The following ZNF568 variants were observed in gnomAD, a reference collection of about 807,000 sequenced individuals.
The protein encoded by ZNF568 is p53 inhibitor of SCO2 activation.
A neutral mutation model predicts 18.1 loss-of-function variants in ZNF568; 11 were observed. The observed-to-expected ratio is 0.61, with a 90% confidence interval of 0.38 to 1.00. The LOEUF (loss-of-function observed/expected upper bound fraction) is 1.00, where lower values mean the gene tolerates loss of function less well. ZNF568 is among the 50% of genes least tolerant of loss of function. ZNF568 has a pLI of 0.01. For missense variants in ZNF568, 639 were observed against 768.2 expected (o/e 0.83, Z 1.99); for synonymous variants, 213 against 246.6 (o/e 0.86, Z 1.28).
intron 7 of ZNF568, among the ~76,000 whole-genome samples, chr19:36,974,921 G>A (rs1331666382): frequency 1.4e-5 from 2 of 147,634 alleles, no homozygotes; most frequent in African/African-American, 5.1e-5. Context: ...CCGCCTCCTC[G>A]GTTCTAGTGA....
intron 4 of ZNF568, among the ~76,000 whole-genome samples, chr19:36,933,930 T>G (rs1433975687): frequency 9.6e-5 from 10 of 103,880 alleles, no homozygotes; most frequent in Admixed American, 5.2e-4. Context: ...TTTTGTTTTT[T>G]TTTTTTTTTT....
intron 7 of ZNF568, among the ~76,000 whole-genome samples, chr19:36,975,644 A>G (rs935872817): frequency 3.6e-5 from 5 of 140,722 alleles, no homozygotes; most frequent in East Asian, 2.0e-4. Flanking sequence ...TTGGCCTCCC[A>G]AAGTGCTGGC....
Position 36,949,756 on chromosome 19 carries a change from GAA to G in ZNF568, c.605_606del (p.Lys202ThrfsTer3). The G allele has an allele frequency of 1.2e-6, 2 of 1,613,960 alleles. No homozygotes were observed. The highest frequency in any genetic ancestry group is 1.3e-5 in the African/African-American group (1 of 75,042). On this transcript the variant is annotated frameshift_variant, in exon 7 of 7. Transcript: ENST00000333987. LOFTEE classifies it low-confidence loss of function (END_TRUNC). ...GATATGAGAAAGGCTGTGTAAGAGA[GAA>G]ACAGAGTAATGAGTTTGGGAAACCA... ...LRYEKGCVRE[K>X]QSNEFGKPFY...
chr19:36,943,816 GC>G (rs1465366182), intron 6 of ZNF568, among the ~76,000 whole-genome samples: 1 of 152,004 alleles, frequency 6.6e-6, no homozygotes, highest in Non-Finnish European at 1.5e-5. Flanking sequence ...CAAGTGATCA[GC>G]CCGCTTTGGC....
intron 3 of ZNF568, among the ~76,000 whole-genome samples, chr19:36,923,480 C>T (rs374712971): frequency 1.3e-4 from 19 of 151,816 alleles, no homozygotes; most frequent in East Asian, 1.2e-3. Flanking sequence ...AGCCAGAACT[C>T]CTGCTTTTTG....
chr19:36,933,916 G>GTTTTTTTTTTTTTT (rs1243440418), intron 4 of ZNF568, among the ~76,000 whole-genome samples: 1 of 20,724 alleles, frequency 4.8e-5, no homozygotes. Flanking sequence ...TTTTTGTTTT[G>GTTTTTTTTTTTTTT]TTTTTTTGTT....
chr19:36,979,663 A>G (rs553135720), exon 8 of ZNF568: 44 of 152,210 alleles, frequency 2.9e-4, no homozygotes, highest in African/African-American at 1.1e-3. Flanking sequence ...GTAAGAATAC[A>G]TTTTTTCATT....
At position 36,949,538 on chromosome 19, in the gene ZNF568, A is replaced by T; in HGVS notation, c.385A>T (p.Lys129Ter). Residue 129 changes from lysine (K) to a stop codon, truncating the protein, a stop_gained, in exon 7 of 7, where the codon AAG (lysine) becomes TAG (stop). Transcript: ENST00000333987. LOFTEE classifies it low-confidence loss of function (END_TRUNC). ...AGTTTGGGAAGTTGATGAACAGATC[A>T]AGAAGCAACAGGAAACACTTGTGAG... ...PEVWEVDEQI[K>*]KQQETLVRKV... The T allele has an allele frequency of 6.3e-7, 1 of 1,596,018 alleles. No homozygotes were observed. The highest frequency in any genetic ancestry group is 8.5e-7 in the Non-Finnish European group (1 of 1,173,212).
chr19:36,990,221 G>C (rs1224165854), intron 2 of ZNF568, among the ~76,000 whole-genome samples: 1 of 152,194 alleles, frequency 6.6e-6, no homozygotes, highest in Non-Finnish European at 1.5e-5. Context: ...ACATCGTTGT[G>C]AGTCTGGATC....
At chr19:36,919,401 C>T (rs1325073006) in intron 2 of ZNF568, among the ~76,000 whole-genome samples, 1 of 151,890 alleles carries the variant, frequency 6.6e-6, no homozygotes, top group Non-Finnish European at 1.5e-5. Flanking sequence ...TTTTTGGCAC[C>T]AGGGAGTGGT....
intron 6 of ZNF568, among the ~76,000 whole-genome samples, chr19:36,961,276 C>CTTTTTTTTTTTT (rs142769873): frequency 7.6e-6 from 1 of 131,862 alleles, no homozygotes; most frequent in Non-Finnish European, 1.6e-5. Flanking sequence ...CCTTCTTTGT[C>CTTTTTTTTTTTT]TTTTTTTTTT....
At chr19:36,936,582 G>A (rs2073794032) in intron 4 of ZNF568, 164 bp from the exon 5 acceptor site, 1 of 567,504 alleles carries the variant, frequency 1.8e-6, no homozygotes, top group Non-Finnish European at 2.8e-6. Context: ...TTTGGGAAAT[G>A]TCCAACCATT....
At chr19:36,963,176 T>G (rs1197305757) in intron 6 of ZNF568, among the ~76,000 whole-genome samples, 1 of 152,178 alleles carries the variant, frequency 6.6e-6, no homozygotes, top group African/African-American at 2.4e-5. Flanking sequence ...TGTGTAAAAA[T>G]TATTTGTATA....
rs903236546 is a variant in ZNF568, at chr19:36,951,893, G to A, written c.*805G>A. 48 of 975,686 alleles carry A rather than the reference G, an allele frequency of 4.9e-5. No individual in the cohort carries two copies. The highest frequency in any genetic ancestry group is 5.1e-5 in the Non-Finnish European group (42 of 821,752). The allele number at this position is 975,686 out of a possible 1,614,324, so 60.4% of individuals were successfully genotyped here. A position where few individuals can be genotyped will look rare whatever the true frequency, so the allele number is the denominator to read the frequency against. ...TGATCGCCCTCTTTGGCCTCCCAAA[G>A]TGCTGGGGTTTACAGGCTTGAGCCA... On this transcript the variant is annotated 3_prime_UTR_variant, in exon 7 of 7. Transcript: ENST00000333987.
chr19:36,943,334 C>A (rs568326422), intron 6 of ZNF568, among the ~76,000 whole-genome samples: 1 of 148,994 alleles, frequency 6.7e-6, no homozygotes, highest in African/African-American at 2.5e-5. Flanking sequence ...TTTTATTGAG[C>A]GTCTTTCACT....
intron 6 of ZNF568, chr19:36,973,869 G>A (rs1461587864): frequency 6.5e-6 from 1 of 152,944 alleles, no homozygotes; most frequent in Non-Finnish European, 1.5e-5. Context: ...CCTGTGGATG[G>A]GTCCTGGCCG....
At position 36,950,209 on chromosome 19, in the gene ZNF568, C is replaced by T. The variant is rs571294; in HGVS notation, c.1056C>T (p.His352=). 938,936 of 1,613,202 alleles carry T rather than the reference C, an allele frequency of 0.58. 276,119 individuals carry two copies. The highest frequency in any genetic ancestry group is 0.75 in the African/African-American group (56,008 of 74,834). ...SFSQKQNLIE[H]EKIHTGEKPY... ...GCCAGAAGCAAAATCTTATTGAGCA[C>T]GAGAAAATTCATACTGGGGAGAAAC... The change falls in exon 7 of 7, where the codon CAC becomes CAT. Residue 352 remains histidine (H), a synonymous_variant. Coordinates refer to ENST00000333987, the MANE Select transcript of ZNF568 (RefSeq NM_198539.4).
chr19:36,959,965 C>T (rs146747568), intron 6 of ZNF568, among the ~76,000 whole-genome samples: 2 of 151,822 alleles, frequency 1.3e-5, no homozygotes, highest in Non-Finnish European at 2.9e-5. Flanking sequence ...TTTTGTGGAT[C>T]CTTCATATTG....
At chr19:36,921,516 G>GA (rs2073455715) in intron 2 of ZNF568, among the ~76,000 whole-genome samples, 1 of 151,782 alleles carries the variant, frequency 6.6e-6, no homozygotes, top group South Asian at 2.1e-4. Flanking sequence ...AGTGTGTGAG[G>GA]GGTATTAGGA....
Sources: allele counts gnomAD v4.1 joint callset (sites outside exome capture counted in the v4.1 genomes callset), GRCh38; gene constraint gnomAD v4.1.1; transcripts MANE v1.5; gene names NCBI Gene and HGNC (gene_info 2026-07-23, HGNC 2026-07-21).